Variants in YBEY observed in about 807,000 individuals in gnomAD.
The protein encoded by YBEY is endoribonuclease YbeY.
Under a neutral mutation model 13.5 loss-of-function variants are expected in YBEY, and 15 were observed. The ratio of observed to expected loss-of-function variants is 1.11; its 90% confidence interval spans 0.75 to 1.72. The LOEUF (loss-of-function observed/expected upper bound fraction) is 1.72, where lower values mean the gene tolerates loss of function less well. Among genes scored for constraint, YBEY ranks in the 40% most tolerant of loss-of-function variants. The pLI is 0.00. For missense variants in YBEY, 244 were observed against 208.4 expected (o/e 1.17, Z -1.05); for synonymous variants, 101 against 83.1 (o/e 1.21, Z -1.17).
downstream of YBEY, chr21:46,302,393 T>C (rs555952038): frequency 3.5e-6 from 4 of 1,148,218 alleles, no homozygotes; most frequent in South Asian, 4.2e-5. Flanking sequence ...AGGAATGCCC[T>C]TTCAGAGCTA....
chr21:46,303,216 G>A, the YBEY span, among the ~76,000 whole-genome samples: 1 of 152,012 alleles, frequency 6.6e-6, no homozygotes, highest in East Asian at 1.9e-4. Flanking sequence ...GTGCATGCCT[G>A]TAGTCCCAGC....
At chr21:46,295,202 C>G (rs984577403) in intron 3 of YBEY, among the ~76,000 whole-genome samples, 12 of 152,076 alleles carry the variant, frequency 7.9e-5, no homozygotes, top group African/African-American at 2.9e-4. Flanking sequence ...TTGGGGCTCC[C>G]TATTACCCTG....
chr21:46,302,691 C>T (rs1226364987), downstream of YBEY: 8 of 830,508 alleles, frequency 9.6e-6, no homozygotes, highest in African/African-American at 5.1e-5. Context: ...TGCAGGTCCC[C>T]GGGGCAGGCT....
chr21:46,303,731 ATATATATATATATATTTTTTTTTT>A, the YBEY span, among the ~76,000 whole-genome samples: 14 of 28,436 alleles, frequency 4.9e-4, 1 homozygote, highest in Admixed American at 1.3e-3. Context: ...ATATATATAT[ATATATATATATATATTTTTTTTTT>A]TTTTTTTTTT....
downstream of YBEY, chr21:46,300,748 G>A (rs1202168722): frequency 7.8e-7 from 1 of 1,289,078 alleles, no homozygotes; most frequent in Non-Finnish European, 1.0e-6. Flanking sequence ...GAAGCACTGG[G>A]ACAGGGTTCC....
chr21:46,298,109 G>C (rs80099311), downstream of YBEY, among the ~76,000 whole-genome samples: 445 of 152,360 alleles, frequency 2.9e-3, 21 homozygotes, highest in East Asian at 0.074. Flanking sequence ...TCCCGGCCAC[G>C]GACACCGCTC....
At chr21:46,290,768 A>G (rs1353451969) in intron 2 of YBEY, among the ~76,000 whole-genome samples, 1 of 150,674 alleles carries the variant, frequency 6.6e-6, no homozygotes, top group African/African-American at 2.4e-5. Flanking sequence ...AAATTAGGCC[A>G]GACGCGGTGG....
At chr21:46,302,150 G>A (rs566741667), downstream of YBEY, 127 of 1,488,530 alleles carry the variant, frequency 8.5e-5, no homozygotes, top group Middle Eastern at 3.5e-4. Context: ...CACATGTGGC[G>A]GGTCCTGCCA....
intron 3 of YBEY, among the ~76,000 whole-genome samples, chr21:46,292,475 C>A (rs73388635): frequency 0.087 from 12,699 of 145,720 alleles, 1,577 homozygotes; most frequent in African/African-American, 0.3. Context: ...GATTACTATT[C>A]TTGATTTAAA....
At position 46,287,124 on chromosome 21, in the gene YBEY, G is replaced by GT. The variant is rs765819735; in HGVS notation, c.210+2dup. On this transcript the variant is annotated splice_donor_variant, in intron 2 of 4. Transcript: ENST00000397701. LOFTEE classifies it high-confidence loss of function. ...TGTGCTTTCTTTTCCATTTCATGAG[G>GT]TAAAAAAAAAATGTTCCTCTTCTTG... The GT allele has an allele frequency of 1.3e-5, 16 of 1,216,102 alleles. No homozygotes were observed. Among genetic ancestry groups the GT allele is most frequent in the Admixed American group, 2.9e-5 (1 of 34,024 alleles). 75.3% of individuals were successfully genotyped at this position (1,216,102 alleles called of 1,614,324 possible). A position where few individuals can be genotyped will look rare whatever the true frequency, so the allele number is the denominator to read the frequency against.
the YBEY span, among the ~76,000 whole-genome samples, chr21:46,304,083 G>A: frequency 1.6e-5 from 2 of 127,530 alleles, no homozygotes; most frequent in Admixed American, 1.9e-4. Context: ...CTGGAGTGCA[G>A]TGGTGCAATC....
chr21:46,305,755 C>T, the YBEY span, among the ~76,000 whole-genome samples: 6 of 151,252 alleles, frequency 4.0e-5, no homozygotes, highest in African/African-American at 7.3e-5. Flanking sequence ...CTGGCTAACA[C>T]GGTGAAACCC....
chr21:46,305,448 T>A, the YBEY span, among the ~76,000 whole-genome samples: 1 of 150,290 alleles, frequency 6.7e-6, no homozygotes, highest in Non-Finnish European at 1.5e-5. Context: ...CCCCATCTCA[T>A]CCTCCCAAGT....
intron 2 of YBEY, 58 bp downstream of exon 2, chr21:46,287,181 TC>T (rs1479376556): frequency 1.3e-6 from 2 of 1,488,664 alleles, no homozygotes; most frequent in African/African-American, 2.8e-5. Flanking sequence ...AAATTTCCTG[TC>T]GTTTTGTTTT....
At chr21:46,291,522 G>T in intron 3 of YBEY, 60 bp downstream of exon 3, 1 of 1,602,576 alleles carries the variant, frequency 6.2e-7, no homozygotes, top group Non-Finnish European at 8.5e-7. Context: ...TTGCAAAGGG[G>T]TCAAGATCAC....
In YBEY at chr21:46,286,383, C is replaced by A. The variant is rs2298699; in HGVS notation, c.-77C>A. 0.32 allele frequency: 48,577 copies of A among 153,086 alleles called. 8,431 individuals are homozygous for A. The highest frequency in any genetic ancestry group is 0.39 in the Non-Finnish European group (26,989 of 68,636). 9.5% of individuals were successfully genotyped at this position (153,086 alleles called of 1,614,324 possible). A position where few individuals can be genotyped will look rare whatever the true frequency, so the allele number is the denominator to read the frequency against. On this transcript the variant is annotated 5_prime_UTR_variant, in exon 1 of 5. Transcript: ENST00000397701. ...GGGCTTCCGGTCGGGAGGGTCCGCC[C>A]GCTCTCGCGTCCTTTGCTGGGTCCA... is the stretch of plus-strand genomic sequence containing the variant.
chr21:46,301,830 G>A, downstream of YBEY: 1 of 1,264,240 alleles, frequency 7.9e-7, no homozygotes, highest in Non-Finnish European at 9.9e-7. Context: ...TGACCAGAAA[G>A]CGAGCCTGCC....
the YBEY span, among the ~76,000 whole-genome samples, chr21:46,304,734 T>A: frequency 0.61 from 93,068 of 152,010 alleles, 29,787 homozygotes; most frequent in Non-Finnish European, 0.71. Context: ...CAGCCATTTC[T>A]GTCCTAGGCA....
At chr21:46,302,989 C>T in the YBEY span, among the ~76,000 whole-genome samples, 1 of 151,622 alleles carries the variant, frequency 6.6e-6, no homozygotes, top group Non-Finnish European at 1.5e-5. Context: ...GGGGCGCGCC[C>T]TGAGTCTCTA....
Sources: allele counts gnomAD v4.1 joint callset (sites outside exome capture counted in the v4.1 genomes callset), GRCh38; gene constraint gnomAD v4.1.1; transcripts MANE v1.5; gene names NCBI Gene and HGNC (gene_info 2026-07-23, HGNC 2026-07-21).